Variants in STX16 observed in about 807,000 individuals in gnomAD.
STX16 encodes syntaxin 16, also known as syntaxin-16.
Under a neutral mutation model 42.7 loss-of-function variants are expected in STX16, and 28 were observed. That is an observed-to-expected ratio of 0.66 (90% confidence interval 0.49 to 0.90). The LOEUF (loss-of-function observed/expected upper bound fraction) is 0.90, where lower values mean the gene tolerates loss of function less well. Among genes scored for constraint, STX16 ranks in the 40% least tolerant of loss-of-function variants. The pLI, the probability that STX16 is intolerant of heterozygous loss-of-function variation, is 0.00. For missense variants in STX16, 361 were observed against 420.9 expected (o/e 0.86, Z 1.24); for synonymous variants, 156 against 155.2 (o/e 1.00, Z -0.04).
At chr20:58,676,159 C>T in intron 8 of STX16, 28 bp from the exon 9 acceptor site, 2 of 1,589,886 alleles carry the variant, frequency 1.3e-6, no homozygotes, top group Non-Finnish European at 1.7e-6. Context: ...GGGAAAATGA[C>T]GGCCTTTTTT....
rs2084150778 is a variant in STX16 at position 58,677,202 on chromosome 20, C to T, written c.*911C>T. On this transcript the variant is annotated 3_prime_UTR_variant, in exon 9 of 9. Coordinates refer to ENST00000371141, the MANE Select transcript of STX16 (RefSeq NM_001001433.3). Reference sequence around the variant, plus strand: ...ACTTATATACTAACTACATAATGACCTGTTCAAACCAGACTCTATTTAATG... The same window carrying T: ...ACTTATATACTAACTACATAATGACTTGTTCAAACCAGACTCTATTTAATG... 6.6e-6 allele frequency: 1 copy of T among 152,650 alleles called. No homozygotes were observed. The highest frequency in any genetic ancestry group is 2.4e-5 in the African/African-American group (1 of 41,450). The allele number at this position is 152,650 out of a possible 1,614,324, so 9.5% of individuals were successfully genotyped here.
Position 58,676,182 on chromosome 20 carries a change from T to C in STX16, c.874-5T>C. The C allele has an allele frequency of 6.2e-7, 1 of 1,612,822 alleles. No homozygotes were observed. Among genetic ancestry groups the C allele is most frequent in the Non-Finnish European group, 8.5e-7 (1 of 1,179,196 alleles). Reference sequence around the variant, plus strand: ...GACGGCCTTTTTTCCCTCCTCTTTTTGTAGGCAGAACAGTATCAAAAGAAG... The same window carrying C: ...GACGGCCTTTTTTCCCTCCTCTTTTCGTAGGCAGAACAGTATCAAAAGAAG... On this transcript the variant is annotated splice_region_variant and splice_polypyrimidine_tract_variant and intron_variant, in intron 8 of 8. Transcript: ENST00000371141.
chr20:58,665,430 T>C (rs996911294), intron 2 of STX16, among the ~76,000 whole-genome samples: 1 of 152,124 alleles, frequency 6.6e-6, no homozygotes, highest in Non-Finnish European at 1.5e-5. Context: ...ATTGGCACCT[T>C]TGAGGGTGGA....
At chr20:58,671,025 A>G in intron 6 of STX16, 129 bp from the exon 7 acceptor site, 3 of 1,003,908 alleles carry the variant, frequency 3.0e-6, no homozygotes, top group South Asian at 4.5e-5. Flanking sequence ...TGTGCTTTGT[A>G]GAAATATTTT....
At chr20:58,660,713 CTTTTTTTTTTTTTTT>C (rs10706096) in intron 2 of STX16, among the ~76,000 whole-genome samples, 2 of 70,740 alleles carry the variant, frequency 2.8e-5, no homozygotes, top group East Asian at 5.5e-4. Flanking sequence ...ATTCCTGCTC[CTTTTTTTTTTTTTTT>C]TTTTTTTTTT....
At chr20:58,674,648 C>G (rs937887019) in intron 8 of STX16, among the ~76,000 whole-genome samples, 9 of 152,126 alleles carry the variant, frequency 5.9e-5, no homozygotes, top group African/African-American at 2.2e-4. Context: ...TTTCAGGGGG[C>G]TTGTTGCCAT....
intron 8 of STX16, among the ~76,000 whole-genome samples, chr20:58,674,083 C>T (rs1445011544): frequency 4.6e-5 from 7 of 152,150 alleles, no homozygotes; most frequent in Non-Finnish European, 5.9e-5. Flanking sequence ...AATCTGTCTG[C>T]TTGTTGCCGT....
intron 2 of STX16, among the ~76,000 whole-genome samples, chr20:58,666,018 T>G (rs946252689): frequency 3.4e-4 from 51 of 152,222 alleles, no homozygotes; most frequent in Admixed American, 3.3e-3. Context: ...CTTGAAGTGG[T>G]CTTTTATTCT....
intron 2 of STX16, chr20:58,667,190 C>T (rs947220448): frequency 2.6e-5 from 12 of 466,828 alleles, no homozygotes; most frequent in Non-Finnish European, 4.9e-5. Context: ...TTTTTCATTA[C>T]ATTTCTATAG....
At chr20:58,652,414 G>T (rs943996102) in intron 1 of STX16, 7 of 507,912 alleles carry the variant, frequency 1.4e-5, no homozygotes, top group Admixed American at 3.0e-5. Context: ...CTGCGCTACA[G>T]GCCGCCTGTA....
In STX16 at chr20:58,676,709, C is replaced by T. The variant is rs1174971814; in HGVS notation, c.*418C>T. ...TTTGGAAAAATTTTCTTTAAACCAT[C>T]TGGTTTTTAAGAAATTTGGTACCAA... On this transcript the variant is annotated 3_prime_UTR_variant, in exon 9 of 9. Coordinates refer to ENST00000371141, the MANE Select transcript of STX16 (RefSeq NM_001001433.3). 6.5e-6 allele frequency: 1 copy of T among 153,478 alleles called. No individual in the cohort carries two copies. The highest frequency in any genetic ancestry group is 1.9e-4 in the East Asian group (1 of 5,246). The allele number at this position is 153,478 out of a possible 1,614,324, so 9.5% of individuals were successfully genotyped here. A position where few individuals can be genotyped will look rare whatever the true frequency, so the allele number is the denominator to read the frequency against.
intron 8 of STX16, among the ~76,000 whole-genome samples, chr20:58,675,259 G>A (rs1188677062): frequency 6.6e-6 from 1 of 152,188 alleles, no homozygotes; most frequent in Non-Finnish European, 1.5e-5. Flanking sequence ...CCCACCGCGG[G>A]GGATGGAGCA....
chr20:58,656,859 G>A (rs16982203), intron 1 of STX16, among the ~76,000 whole-genome samples: 12,320 of 152,304 alleles, frequency 0.081, 548 homozygotes, highest in African/African-American at 0.097. Flanking sequence ...AGCCCTTTCC[G>A]TGTGTAAGCT....
intron 8 of STX16, among the ~76,000 whole-genome samples, chr20:58,673,957 T>C (rs2084042834): frequency 6.6e-6 from 1 of 152,256 alleles, no homozygotes; most frequent in Non-Finnish European, 1.5e-5. Context: ...GAACTCCTTT[T>C]TGTGACAGTA....
chr20:58,661,095 T>G (rs1199771904), intron 2 of STX16, among the ~76,000 whole-genome samples: 1 of 152,038 alleles, frequency 6.6e-6, no homozygotes, highest in African/African-American at 2.4e-5. Context: ...GAGCAGGCGT[T>G]CTGAGTTAAA....
chr20:58,673,694 T>C lies in STX16; in HGVS notation c.856T>C (p.Leu286=). ...EQSCIKTEDG[L]KQLHKAEQYQ... is the part of the protein sequence containing the mutation. The stretch of plus-strand genomic sequence containing the variant: ...GTCCTGTATCAAAACTGAAGATGGT[T>C]TGAAACAGCTTCACAAGGTAATATG... The change falls in exon 8 of 9, where the codon TTG becomes CTG. Residue 286 remains leucine, a synonymous_variant. Transcript: ENST00000371141. The C allele has an allele frequency of 1.2e-6, 2 of 1,612,490 alleles. No individual in the cohort carries two copies. Among genetic ancestry groups the C allele is most frequent in the South Asian group, 1.1e-5 (1 of 91,046 alleles).
intron 1 of STX16, among the ~76,000 whole-genome samples, chr20:58,658,479 A>T (rs777782870): frequency 6.6e-6 from 1 of 152,212 alleles, no homozygotes; most frequent in Non-Finnish European, 1.5e-5. Flanking sequence ...GCAGCTTTTC[A>T]TAATGTCATC....
intron 8 of STX16, among the ~76,000 whole-genome samples, chr20:58,674,908 G>A (rs2084066653): frequency 6.6e-6 from 1 of 152,276 alleles, no homozygotes; most frequent in Non-Finnish European, 1.5e-5. Flanking sequence ...AAAAGGAAAA[G>A]CTTTCTCTGC....
intron 1 of STX16, among the ~76,000 whole-genome samples, chr20:58,653,767 A>G (rs2083525729): frequency 6.6e-6 from 1 of 152,140 alleles, no homozygotes; most frequent in Non-Finnish European, 1.5e-5. Context: ...TTTCTAAGGT[A>G]TCAGTTTTAA....
Sources: gnomAD v4.1 joint callset for allele counts (sites outside exome capture counted in the v4.1 genomes callset) on GRCh38, gnomAD v4.1.1 for gene constraint, MANE v1.5 for transcripts, NCBI Gene and HGNC (gene_info 2026-07-23, HGNC 2026-07-21) for gene names.